Variants in SLC38A4 observed in about 807,000 individuals in gnomAD.
The protein encoded by SLC38A4 is sodium-coupled neutral amino acid transporter 4.
A neutral mutation model predicts 63.1 loss-of-function variants in SLC38A4; 20 were observed. The ratio of observed to expected loss-of-function variants is 0.32; its 90% CI spans 0.22 to 0.46. The LOEUF (loss-of-function observed/expected upper bound fraction) is 0.46. Among genes scored for constraint, SLC38A4 ranks in the 20% least tolerant of loss-of-function variants. The probability of loss-of-function intolerance (pLI) is 1.00; values close to 1 mark genes in which losing one functional copy is unlikely to be tolerated. For missense variants in SLC38A4, 526 were observed against 663.6 expected (o/e 0.79, Z 2.28); for synonymous variants, 230 against 225.5 (o/e 1.02, Z -0.18).
intron 1 of SLC38A4, among the ~76,000 whole-genome samples, chr12:46,804,477 C>T (rs2465605): frequency 0.72 from 110,027 of 151,772 alleles, 40,673 homozygotes; most frequent in Non-Finnish European, 0.8. Context: ...AAATCACAAA[C>T]GAATCAAGAA....
At chr12:46,821,997 A>T (rs1024584142) in intron 1 of SLC38A4, among the ~76,000 whole-genome samples, 3 of 152,126 alleles carry the variant, frequency 2.0e-5, no homozygotes, top group Non-Finnish European at 4.4e-5. Context: ...ACATATAGAA[A>T]TCTAACTGAT....
chr12:46,778,462 C>T, intron 11 of SLC38A4, 39 bp downstream of exon 11: 1 of 1,609,806 alleles, frequency 6.2e-7, no homozygotes, highest in Non-Finnish European at 8.5e-7. Flanking sequence ...TTAGAAAACA[C>T]ATAACTGTAC....
chr12:46,787,474 C>T (rs1353144856), intron 5 of SLC38A4, among the ~76,000 whole-genome samples: 1 of 151,938 alleles, frequency 6.6e-6, no homozygotes, highest in Non-Finnish European at 1.5e-5. Flanking sequence ...TGCAAAGGTC[C>T]AATGGTGAGA....
chr12:46,781,368 G>C (rs1252387331), intron 7 of SLC38A4, among the ~76,000 whole-genome samples: 1 of 152,038 alleles, frequency 6.6e-6, no homozygotes, highest in Non-Finnish European at 1.5e-5. Context: ...AAATCTTACA[G>C]AGTGTGAACA....
intron 1 of SLC38A4, among the ~76,000 whole-genome samples, chr12:46,817,982 G>A (rs984592943): frequency 6.6e-6 from 1 of 151,770 alleles, no homozygotes; most frequent in African/African-American, 2.4e-5. Context: ...TGTTAAATTT[G>A]CTTATTTTTT....
At chr12:46,782,458 A>T (rs1938663579) in intron 7 of SLC38A4, among the ~76,000 whole-genome samples, 1 of 152,052 alleles carries the variant, frequency 6.6e-6, no homozygotes, top group Non-Finnish European at 1.5e-5. Context: ...TCGGTATCAT[A>T]AGATGATCCA....
chr12:46,805,197 T>G (rs564647581), intron 1 of SLC38A4, among the ~76,000 whole-genome samples: 277 of 152,118 alleles, frequency 1.8e-3, no homozygotes, highest in African/African-American at 6.3e-3. Context: ...ATTCTGATCT[T>G]CAAGTATAGT....
rs534580127 is a variant in SLC38A4 at position 46,775,155 on chromosome 12, A to G, written c.1193T>C (p.Leu398Ser). ...ATACACTTTGCTGTAGGCATGAAGT[A>G]ATTCATCTTCAACTTCTCCTACAAC... Reference protein sequence around the residue: ...LTFYGEVEDELLHAYSKVYTL... With the variant: ...LTFYGEVEDESLHAYSKVYTL... Residue 398 changes from leucine to serine, a missense_variant, in exon 14 of 17, where the codon TTA becomes TCA. Physicochemically the swap from Leu to Ser is moderately radical, Grantham distance 145. Transcript: ENST00000266579. 1 of 1,611,828 alleles carries G rather than the reference A, an allele frequency of 6.2e-7. No individual in the cohort carries two copies. Among genetic ancestry groups the G allele is most frequent in the African/African-American group, 1.3e-5 (1 of 74,912 alleles).
intron 14 of SLC38A4, among the ~76,000 whole-genome samples, chr12:46,774,016 C>A (rs112864663): frequency 1.3e-5 from 2 of 151,954 alleles, no homozygotes; most frequent in Non-Finnish European, 2.9e-5. Flanking sequence ...GTCTTGTACC[C>A]AAGACGGAGC....
At chr12:46,792,221 C>T (rs183763635) in intron 3 of SLC38A4, among the ~76,000 whole-genome samples, 16 of 152,102 alleles carry the variant, frequency 1.1e-4, no homozygotes, top group Admixed American at 9.8e-4. Context: ...TAACGTAAGA[C>T]CACAGTAGAA....
At chr12:46,780,467 G>T (rs1938616019) in intron 7 of SLC38A4, among the ~76,000 whole-genome samples, 1 of 151,992 alleles carries the variant, frequency 6.6e-6, no homozygotes, top group Non-Finnish European at 1.5e-5. Flanking sequence ...TTCTGCAGAT[G>T]GGCACCAATC....
chr12:46,802,124 G>C (rs1029692834), intron 2 of SLC38A4, among the ~76,000 whole-genome samples: 2 of 152,050 alleles, frequency 1.3e-5, no homozygotes, highest in African/African-American at 4.8e-5. Flanking sequence ...CTGGTCATAA[G>C]ATTTGAATAT....
chr12:46,777,131 A>C (rs1938545565), intron 12 of SLC38A4, 127 bp from the exon 13 acceptor site: 1 of 718,300 alleles, frequency 1.4e-6, no homozygotes, highest in Non-Finnish European at 2.3e-6. Flanking sequence ...TAGTACATAA[A>C]CTTATAGCTG....
chr12:46,775,292 A>G (rs2120758718), intron 13 of SLC38A4, 119 bp from the exon 14 acceptor site: 1 of 1,263,676 alleles, frequency 7.9e-7, no homozygotes, highest in Non-Finnish European at 1.1e-6. Context: ...CTGGGAATCC[A>G]GGCACCTCTG....
chr12:46,796,284 A>G (rs1939002062), intron 2 of SLC38A4, among the ~76,000 whole-genome samples: 1 of 151,932 alleles, frequency 6.6e-6, no homozygotes. Flanking sequence ...TATGGATACT[A>G]TATTTTCTCA....
chr12:46,825,306 A>G (rs1939625636), intron 1 of SLC38A4, among the ~76,000 whole-genome samples: 1 of 111,450 alleles, frequency 9.0e-6, no homozygotes, highest in Admixed American at 8.4e-5. Context: ...ACTTTAATAT[A>G]CAAAGTTTAT....
intron 13 of SLC38A4, among the ~76,000 whole-genome samples, chr12:46,775,383 G>T (rs960927186): frequency 1.3e-5 from 2 of 152,008 alleles, no homozygotes; most frequent in Non-Finnish European, 1.5e-5. Context: ...GTTGCAGAAG[G>T]TATAATACAA....
chr12:46,769,009 G>A (rs1938356412), intron 15 of SLC38A4, among the ~76,000 whole-genome samples: 1 of 151,968 alleles, frequency 6.6e-6, no homozygotes, highest in Non-Finnish European at 1.5e-5. Flanking sequence ...CAAATCCTGG[G>A]TCCACACCAA....
At chr12:46,816,009 G>A (rs1472217698) in intron 1 of SLC38A4, among the ~76,000 whole-genome samples, 5 of 151,882 alleles carry the variant, frequency 3.3e-5, no homozygotes, top group South Asian at 4.1e-4. Context: ...CTCCAGCACT[G>A]CTGCAACATC....
Sources: gnomAD v4.1 joint callset for allele counts (sites outside exome capture counted in the v4.1 genomes callset) on GRCh38, gnomAD v4.1.1 for gene constraint, MANE v1.5 for transcripts, NCBI Gene and HGNC (gene_info 2026-07-23, HGNC 2026-07-21) for gene names.